Variants in NYAP2 observed in about 807,000 individuals in gnomAD.
NYAP2 encodes the protein neuronal tyrosine-phosphorylated phosphoinositide-3-kinase adaptor 2, also known as neuronal tyrosine-phosphorylated phosphoinositide-3-kinase adapter 2.
NYAP2 carries 23 observed loss-of-function variants against 50.4 expected under a neutral mutation model. The ratio of observed to expected loss-of-function variants is 0.46; its 90% CI spans 0.33 to 0.65. NYAP2 has a LOEUF of 0.65. Among genes scored for constraint, NYAP2 ranks in the 30% least tolerant of loss-of-function variants. NYAP2 has a pLI of 0.02. For missense variants in NYAP2, 885 were observed against 861.0 expected, an observed-to-expected ratio of 1.03 and a Z score of -0.35; for synonymous variants, 394 against 365.2, an observed-to-expected ratio of 1.08 and a Z score of -0.90.
intron 3 of NYAP2, among the ~76,000 whole-genome samples, chr2:225,491,697 G>A (rs963139497): frequency 6.6e-6 from 1 of 152,152 alleles, no homozygotes; most frequent in African/African-American, 2.4e-5. Flanking sequence ...TGTAGTTAGT[G>A]ACATTTCAAG....
chr2:225,589,516 A>AATATATATAC (rs1692453443), intron 5 of NYAP2, among the ~76,000 whole-genome samples: 1 of 71,356 alleles, frequency 1.4e-5, no homozygotes, highest in South Asian at 5.3e-4. Context: ...CTAAAAGTAA[A>AATATATATAC]ATATATATAT....
chr2:225,669,421 TG>T, the NYAP2 span, among the ~76,000 whole-genome samples: 14 of 152,094 alleles, frequency 9.2e-5, no homozygotes, highest in African/African-American at 3.4e-4. Flanking sequence ...TGGACAAAAA[TG>T]GGCAAAGCTA....
At chr2:225,686,907 A>G in the NYAP2 span, among the ~76,000 whole-genome samples, 1 of 152,202 alleles carries the variant, frequency 6.6e-6, no homozygotes, top group Non-Finnish European at 1.5e-5. Flanking sequence ...AGTTTTGATT[A>G]ACAGTTTATA....
In NYAP2 at chr2:225,526,553, C is replaced by T. The variant is rs551300757; in HGVS notation, c.523+12881C>T. Among the ~76,000 whole-genome samples, 7 of 152,296 alleles carry T rather than the reference C, an allele frequency of 4.6e-5. No homozygotes were observed. The South Asian group carries it at 1.4e-3, about 32-fold the overall frequency. ...ATTTATTTGGCTCTTCTGAAAGAGT[C>T]TCCTTTTTCAGCAACATTTTTAGTT... On this transcript the variant is annotated intron_variant, in intron 4 of 6. Transcript: ENST00000636099.
chr2:225,583,084 C>T (rs1325906662), intron 5 of NYAP2, 49 bp downstream of exon 5: 1 of 1,572,564 alleles, frequency 6.4e-7, no homozygotes, highest in Non-Finnish European at 8.6e-7. Context: ...GCCAGGCTTA[C>T]AACCAGGGTG....
At chr2:225,609,795 T>C (rs1026850894) in intron 5 of NYAP2, among the ~76,000 whole-genome samples, 1 of 152,140 alleles carries the variant, frequency 6.6e-6, no homozygotes, top group African/African-American at 2.4e-5. Flanking sequence ...CATCATAATA[T>C]TCGAGATTTG....
At position 225,612,072 on chromosome 2, in the gene NYAP2, A is replaced by T. The variant is rs377000901; in HGVS notation, c.1619-14845A>T. The stretch of plus-strand genomic sequence containing the variant: ...TGTTACCAATAAATATATCTTAGTA[A>T]CTGTGGTTTGGATAAACCACTACTG... On this transcript the variant is annotated intron_variant, in intron 5 of 6. Transcript: ENST00000636099. Among the ~76,000 whole-genome samples the T allele has an allele frequency of 2.9e-4, 43 of 148,200 alleles. No individual in the cohort carries two copies. In the East Asian group the frequency reaches 8.1e-3, roughly 28 times the overall value.
At chr2:225,433,187 A>G (rs1689297368) in intron 3 of NYAP2, among the ~76,000 whole-genome samples, 1 of 152,096 alleles carries the variant, frequency 6.6e-6, no homozygotes, top group South Asian at 2.1e-4. Context: ...TTATGTATTC[A>G]CTAAGAAAGC....
At chr2:225,543,002 A>G (rs1691505189) in intron 4 of NYAP2, among the ~76,000 whole-genome samples, 1 of 152,120 alleles carries the variant, frequency 6.6e-6, no homozygotes, top group East Asian at 1.9e-4. Flanking sequence ...GGTAGGTTGT[A>G]TGTGTCTAGG....
intron 5 of NYAP2, among the ~76,000 whole-genome samples, chr2:225,621,018 G>T (rs577778250): frequency 5.3e-4 from 80 of 151,862 alleles, no homozygotes; most frequent in Non-Finnish European, 6.5e-4. Flanking sequence ...GGAGGCTGAG[G>T]CAGGAGAATG....
At chr2:225,625,118 TATTTGAATTA>T (rs1693187945) in intron 5 of NYAP2, among the ~76,000 whole-genome samples, 1 of 151,238 alleles carries the variant, frequency 6.6e-6, no homozygotes, top group Non-Finnish European at 1.5e-5. Flanking sequence ...AAAAATTCCT[TATTTGAATTA>T]AACTGTTAAC....
chr2:225,653,609 T>C (rs1346883708), exon 7 of NYAP2: 1 of 152,270 alleles, frequency 6.6e-6, no homozygotes, highest in African/African-American at 2.4e-5. Context: ...TTCTCCTCTG[T>C]GGCTTATAGC....
chr2:225,558,446 T>G (rs1691813832), intron 4 of NYAP2, among the ~76,000 whole-genome samples: 1 of 152,114 alleles, frequency 6.6e-6, no homozygotes, highest in Admixed American at 6.6e-5. Context: ...TTCTGATTGG[T>G]TTATGACCCC....
At chr2:225,649,273 C>T (rs574134062) in intron 6 of NYAP2, among the ~76,000 whole-genome samples, 48 of 152,310 alleles carry the variant, frequency 3.2e-4, no homozygotes, top group Admixed American at 2.2e-3. Flanking sequence ...ATTACTATTT[C>T]CTTATAATAG....
chr2:225,544,019 T>G (rs1242086359), intron 4 of NYAP2, among the ~76,000 whole-genome samples: 1 of 152,116 alleles, frequency 6.6e-6, no homozygotes, highest in African/African-American at 2.4e-5. Flanking sequence ...TGACCTTCTT[T>G]GTCTCTTCTT....
At chr2:225,664,081 T>C in the NYAP2 span, among the ~76,000 whole-genome samples, 3 of 152,306 alleles carry the variant, frequency 2.0e-5, no homozygotes, top group Admixed American at 2.0e-4. Context: ...AAAGGCCTTA[T>C]TTTTGCATCA....
In NYAP2 at chr2:225,645,693, C is replaced by CTAA. The variant is rs1355023756; in HGVS notation, c.1829-5738_1829-5737insAAT. Among the ~76,000 whole-genome samples the CTAA allele has an allele frequency of 3.9e-5, 6 of 152,240 alleles. No homozygotes were observed. In the East Asian group the frequency reaches 1.2e-3, roughly 29 times the overall value. On this transcript the variant is annotated intron_variant, in intron 6 of 6. Coordinates refer to ENST00000636099, the Ensembl canonical transcript of NYAP2. ...TAATTAATCTCTCAATTAGGATTTC[C>CTAA]TTGGGGTAGGAAAGCTCTGTCTTAG...
intron 3 of NYAP2, among the ~76,000 whole-genome samples, chr2:225,432,242 C>T (rs557089832): frequency 1.4e-3 from 217 of 150,632 alleles, no homozygotes; most frequent in Non-Finnish European, 1.7e-3. Flanking sequence ...GTGATCCACC[C>T]GCTTTAGCCT....
chr2:225,671,120 T>A, the NYAP2 span, among the ~76,000 whole-genome samples: 4 of 152,092 alleles, frequency 2.6e-5, no homozygotes, highest in Admixed American at 2.6e-4. Context: ...GTTTGCCACA[T>A]CAATTTAACT....
Sources: allele counts gnomAD v4.1 joint callset (sites outside exome capture counted in the v4.1 genomes callset), GRCh38; gene constraint gnomAD v4.1.1; transcripts MANE v1.5; gene names NCBI Gene and HGNC (gene_info 2026-07-23, HGNC 2026-07-21).